Variants in PLCB4 observed in about 807,000 individuals in gnomAD.
The protein encoded by PLCB4 is 1-phosphatidylinositol 4,5-bisphosphate phosphodiesterase beta-4.
Under a neutral mutation model 178.8 loss-of-function variants are expected in PLCB4, and 77 were observed. The ratio of observed to expected loss-of-function variants is 0.43; its 90% CI spans 0.36 to 0.52. PLCB4 has a LOEUF of 0.52. Ranked by LOEUF, PLCB4 falls within the 20% of genes least tolerant of loss-of-function variation. The pLI, the probability that PLCB4 is intolerant of heterozygous loss-of-function variation, is 0.00. For synonymous variants in PLCB4, 496 were observed against 490.8 expected, an observed-to-expected ratio of 1.01 and a Z score of -0.14; for missense variants, 1,024 against 1,453.4, an observed-to-expected ratio of 0.70 and a Z score of 4.80.
intron 3 of PLCB4, among the ~76,000 whole-genome samples, chr20:9,286,364 G>A (rs1173759437): frequency 6.6e-6 from 1 of 152,016 alleles, no homozygotes; most frequent in Non-Finnish European, 1.5e-5. Context: ...TATCATATGA[G>A]GAGGTGGTTA....
At chr20:9,242,846 C>T (rs2094080484) in intron 3 of PLCB4, among the ~76,000 whole-genome samples, 2 of 152,144 alleles carry the variant, frequency 1.3e-5, no homozygotes, top group South Asian at 4.1e-4. Context: ...GGGATCTAGG[C>T]ATCTGCGAGT....
At chr20:9,227,200 G>A (rs1345697545) in intron 3 of PLCB4, among the ~76,000 whole-genome samples, 1 of 150,970 alleles carries the variant, frequency 6.6e-6, no homozygotes, top group Non-Finnish European at 1.5e-5. Flanking sequence ...TATGTACTGG[G>A]CACTTGATCC....
At chr20:9,096,672 G>A (rs1052644652) in intron 2 of PLCB4, among the ~76,000 whole-genome samples, 1 of 152,012 alleles carries the variant, frequency 6.6e-6, no homozygotes, top group African/African-American at 2.4e-5. Context: ...TTTTTCAGTG[G>A]GTGACATCTT....
intron 1 of PLCB4, among the ~76,000 whole-genome samples, chr20:9,074,620 C>T (rs1286632352): frequency 6.6e-6 from 1 of 152,070 alleles, no homozygotes; most frequent in Non-Finnish European, 1.5e-5. Flanking sequence ...ACAGGACCAC[C>T]ATGAAGTACC....
At chr20:9,105,407 T>C (rs1313532710) in intron 2 of PLCB4, among the ~76,000 whole-genome samples, 1 of 152,046 alleles carries the variant, frequency 6.6e-6, no homozygotes, top group African/African-American at 2.4e-5. Flanking sequence ...TACAAAAATA[T>C]CAGATTTGTT....
intron 32 of PLCB4, among the ~76,000 whole-genome samples, chr20:9,447,978 T>C (rs2042517783): frequency 6.6e-6 from 1 of 152,216 alleles, no homozygotes; most frequent in South Asian, 2.1e-4. Context: ...GCTGGAGGCT[T>C]TACAAAAATA....
At chr20:9,293,711 G>T (rs1054060362) in intron 3 of PLCB4, among the ~76,000 whole-genome samples, 1 of 152,070 alleles carries the variant, frequency 6.6e-6, no homozygotes, top group African/African-American at 2.4e-5. Flanking sequence ...CTTCACAGAG[G>T]TCATCATGTA....
rs147219357 is a variant in PLCB4, at chr20:9,337,752, G to A, written c.166-256G>A. ...TTATATATAAAAGTAACAGATTTTA[G>A]AAACATTTTTATATTCAGCATTGCA... On this transcript the variant is annotated intron_variant, in intron 5 of 39. Coordinates refer to ENST00000378473, the MANE Select transcript of PLCB4 (RefSeq NM_001377142.1). 6.8e-3 allele frequency among the ~76,000 whole-genome samples: 1,032 copies of A among 152,036 alleles called. 6 individuals are homozygous for A. The highest frequency in any genetic ancestry group is 0.012 in the Non-Finnish European group (810 of 67,968).
chr20:9,244,822 C>A (rs534819048), intron 3 of PLCB4, among the ~76,000 whole-genome samples: 1 of 152,220 alleles, frequency 6.6e-6, no homozygotes, highest in Non-Finnish European at 1.5e-5. Context: ...TGTTATTTTT[C>A]TTTTATTAAA....
At chr20:9,180,156 G>A (rs2093221433) in intron 2 of PLCB4, among the ~76,000 whole-genome samples, 1 of 152,120 alleles carries the variant, frequency 6.6e-6, no homozygotes. Context: ...TTCTGAACAG[G>A]AGCATGTATT....
At chr20:9,293,413 A>C (rs2094599706) in intron 3 of PLCB4, among the ~76,000 whole-genome samples, 1 of 148,970 alleles carries the variant, frequency 6.7e-6, no homozygotes, top group Non-Finnish European at 1.5e-5. Flanking sequence ...AGGGAAGGGA[A>C]GGGAAGGGAA....
chr20:9,203,832 A>G (rs372959505), intron 2 of PLCB4, among the ~76,000 whole-genome samples: 25 of 109,984 alleles, frequency 2.3e-4, no homozygotes, highest in East Asian at 8.9e-4. Context: ...GCAATGGGGG[A>G]TGGAGATTGC....
At chr20:9,188,400 T>C (rs1466152526) in intron 2 of PLCB4, among the ~76,000 whole-genome samples, 3 of 152,144 alleles carry the variant, frequency 2.0e-5, no homozygotes, top group Admixed American at 2.0e-4. Context: ...TTGGAGAGGG[T>C]TGGGGAGTAG....
chr20:9,160,550 T>G (rs111321047), intron 2 of PLCB4, among the ~76,000 whole-genome samples: 104 of 152,306 alleles, frequency 6.8e-4, no homozygotes, highest in African/African-American at 2.3e-3. Context: ...CATGCATGTT[T>G]TATAGCTTCC....
intron 3 of PLCB4, among the ~76,000 whole-genome samples, chr20:9,221,211 G>A (rs192890311): frequency 6.6e-6 from 1 of 152,178 alleles, no homozygotes. Flanking sequence ...GCAGTGGGCC[G>A]CTCTGGAACA....
chr20:9,108,667 T>A (rs898748010), intron 2 of PLCB4, among the ~76,000 whole-genome samples: 1 of 151,668 alleles, frequency 6.6e-6, no homozygotes, highest in African/African-American at 2.4e-5. Context: ...GCCAAATATA[T>A]TCCCTACCAT....
intron 7 of PLCB4, among the ~76,000 whole-genome samples, chr20:9,352,889 T>C (rs1029919524): frequency 5.9e-5 from 9 of 152,282 alleles, no homozygotes; most frequent in Admixed American, 3.9e-4. Context: ...TCTTTTTTGC[T>C]CACATACTCA....
chr20:9,315,479 A>G (rs2094888833), intron 4 of PLCB4, among the ~76,000 whole-genome samples: 1 of 152,228 alleles, frequency 6.6e-6, no homozygotes, highest in Non-Finnish European at 1.5e-5. Flanking sequence ...AATGGCTTCC[A>G]GCAGTGTTCA....
intron 26 of PLCB4, among the ~76,000 whole-genome samples, chr20:9,420,817 C>T (rs1467281181): frequency 1.3e-5 from 2 of 152,192 alleles, no homozygotes; most frequent in Non-Finnish European, 2.9e-5. Flanking sequence ...ATAAAACTGT[C>T]CTAGCTGACC....
Sources: gnomAD v4.1 joint callset for allele counts (sites outside exome capture counted in the v4.1 genomes callset) on GRCh38, gnomAD v4.1.1 for gene constraint, MANE v1.5 for transcripts, NCBI Gene and HGNC (gene_info 2026-07-23, HGNC 2026-07-21) for gene names.